The following KIF26B variants were observed in gnomAD, a reference collection of about 807,000 sequenced individuals.
KIF26B encodes the protein kinesin family member 26B.
KIF26B carries 63 observed loss-of-function variants against 151.2 expected under a neutral mutation model. The observed-to-expected ratio is 0.42, with a 90% CI of 0.34 to 0.51. The LOEUF is 0.51. Among genes scored for constraint, KIF26B ranks in the 20% least tolerant of loss-of-function variants. The pLI, the probability that KIF26B is intolerant of heterozygous loss-of-function variation, is 0.07. For synonymous variants in KIF26B, 1,357 were observed against 1,262.1 expected (o/e 1.08, Z -1.59); for missense variants, 2,813 against 2,913.6 (o/e 0.97, Z 0.79).
chr1:245,524,480 A>G (rs2103092759), intron 4 of KIF26B, among the ~76,000 whole-genome samples: 1 of 152,310 alleles, frequency 6.6e-6, no homozygotes, highest in Non-Finnish European at 1.5e-5. Flanking sequence ...GATTTTTTAA[A>G]AAATGGATCC....
chr1:245,601,089 G>A lies in KIF26B; in HGVS notation c.1351-1488G>A, dbSNP rs2043391233. Among the ~76,000 whole-genome samples, 1 of 152,110 alleles carries A rather than the reference G, an allele frequency of 6.6e-6. No homozygotes were observed. Among genetic ancestry groups the A allele is most frequent in the Admixed American group, 6.5e-5 (1 of 15,268 alleles). The stretch of plus-strand genomic sequence containing the variant: ...AGATAACAGCATAGTCCTGGCATAT[G>A]AGAGAAAATGGCAGGGATCTTTCTA... On this transcript the variant is annotated intron_variant, in intron 5 of 14. Transcript: ENST00000407071. This position sits in a 1 kb window ranked among gnomAD's most constrained non-coding sequence, Gnocchi z 4.4.
At chr1:245,604,526 C>A (rs895936541) in intron 6 of KIF26B, among the ~76,000 whole-genome samples, 3 of 152,184 alleles carry the variant, frequency 2.0e-5, no homozygotes, top group African/African-American at 7.2e-5. Flanking sequence ...GTAATTTAAA[C>A]CTGACGTTTG....
intron 10 of KIF26B, among the ~76,000 whole-genome samples, chr1:245,652,670 C>T (rs1191388179): frequency 6.6e-6 from 1 of 152,154 alleles, no homozygotes; most frequent in African/African-American, 2.4e-5. Context: ...GCCGGGGTCA[C>T]AAACACTGGG....
intron 2 of KIF26B, among the ~76,000 whole-genome samples, chr1:245,277,275 G>T (rs1670956750): frequency 6.6e-6 from 1 of 152,176 alleles, no homozygotes; most frequent in Non-Finnish European, 1.5e-5. Context: ...AAGTGAGTTT[G>T]GGAGTTTTAC....
At chr1:245,246,112 A>G (rs6682754) in intron 2 of KIF26B, among the ~76,000 whole-genome samples, 33 of 148,418 alleles carry the variant, frequency 2.2e-4, no homozygotes, top group African/African-American at 5.7e-4. Context: ...AAAAAAAAAA[A>G]AAAGAAAGGT....
intron 2 of KIF26B, among the ~76,000 whole-genome samples, chr1:245,322,284 A>T (rs1398154782): frequency 6.6e-6 from 1 of 152,126 alleles, no homozygotes; most frequent in Non-Finnish European, 1.5e-5. Context: ...GGGGCTTAAA[A>T]CCTAGATGAC....
At chr1:245,668,297 T>C (rs1300834249) in intron 10 of KIF26B, among the ~76,000 whole-genome samples, 1 of 152,158 alleles carries the variant, frequency 6.6e-6, no homozygotes, top group Non-Finnish European at 1.5e-5. Flanking sequence ...CAAACTACAT[T>C]TATCCCATGT....
rs1374370118 is a variant in KIF26B at position 245,572,094 on chromosome 1, C to T, written c.1351-30483C>T. ...TGGCAACTGTGCACAGAGTCCAGAT[C>T]TCACGACCTCGCTTTGCAAAGGCTA... On this transcript the variant is annotated intron_variant, in intron 5 of 14. Transcript: ENST00000407071. This position sits in a 1 kb window ranked among gnomAD's most constrained non-coding sequence, Gnocchi z 4.2. Among the ~76,000 whole-genome samples the T allele has an allele frequency of 1.3e-5, 2 of 152,176 alleles. No individual in the cohort carries two copies. Among genetic ancestry groups the T allele is most frequent in the Non-Finnish European group, 2.9e-5 (2 of 68,042 alleles).
intron 2 of KIF26B, among the ~76,000 whole-genome samples, chr1:245,288,117 A>G (rs1044223031): frequency 1.3e-5 from 2 of 152,196 alleles, no homozygotes; most frequent in South Asian, 2.1e-4. Context: ...TTTCGGAGCG[A>G]GCATTATTCC....
chr1:245,225,438 C>T (rs572348418), intron 2 of KIF26B, among the ~76,000 whole-genome samples: 3 of 152,324 alleles, frequency 2.0e-5, no homozygotes, highest in South Asian at 4.1e-4. Context: ...AAAGAGCAGT[C>T]GATGGCCCTC....
chr1:245,464,502 CGTGTGCAT>C (rs896786308), intron 4 of KIF26B, among the ~76,000 whole-genome samples: 2 of 126,700 alleles, frequency 1.6e-5, no homozygotes, highest in South Asian at 2.7e-4. Flanking sequence ...TGTGTGTGGG[CGTGTGCAT>C]GTGTGGATGT....
chr1:245,278,761 G>A (rs1433878418), intron 2 of KIF26B, among the ~76,000 whole-genome samples: 2 of 152,078 alleles, frequency 1.3e-5, no homozygotes, highest in Admixed American at 6.5e-5. Context: ...AGTACATTGG[G>A]CTCATTAGTT....
At chr1:245,634,962 C>G (rs2043819067) in intron 9 of KIF26B, among the ~76,000 whole-genome samples, 1 of 152,008 alleles carries the variant, frequency 6.6e-6, no homozygotes, top group Non-Finnish European at 1.5e-5. Context: ...GCACCTCAGC[C>G]TCCCATAATA....
chr1:245,506,625 C>T (rs1660732800), intron 4 of KIF26B, among the ~76,000 whole-genome samples: 1 of 152,158 alleles, frequency 6.6e-6, no homozygotes, highest in Non-Finnish European at 1.5e-5. Context: ...ATGGGATCAT[C>T]AGAACCAGTG....
chr1:245,457,942 CCTT>C (rs1268951433), intron 4 of KIF26B, among the ~76,000 whole-genome samples: 4 of 152,116 alleles, frequency 2.6e-5, no homozygotes, highest in African/African-American at 9.7e-5. Context: ...GTATGGATCT[CCTT>C]CTTTTCTAGA....
chr1:245,286,650 G>GTTC, intron 2 of KIF26B, among the ~76,000 whole-genome samples: 2 of 152,196 alleles, frequency 1.3e-5, no homozygotes, highest in Admixed American at 1.3e-4. Context: ...ATACAAACTT[G>GTTC]TTCTATTTTC....
chr1:245,497,936 G>T (rs531456823), intron 4 of KIF26B, among the ~76,000 whole-genome samples: 3 of 152,170 alleles, frequency 2.0e-5, no homozygotes, highest in Non-Finnish European at 4.4e-5. Flanking sequence ...TAGAGACAGG[G>T]TTTCACCTTG....
chr1:245,377,602 G>A (rs1038401006), intron 3 of KIF26B, among the ~76,000 whole-genome samples: 1 of 152,076 alleles, frequency 6.6e-6, no homozygotes, highest in African/African-American at 2.4e-5. Flanking sequence ...TCCAAATAAG[G>A]TCACATTCTA....
intron 4 of KIF26B, among the ~76,000 whole-genome samples, chr1:245,497,021 C>A (rs765708449): frequency 6.6e-6 from 1 of 151,748 alleles, no homozygotes; most frequent in African/African-American, 2.4e-5. Flanking sequence ...GGTGTGGTGG[C>A]GCATGTCTGT....
Sources: allele counts gnomAD v4.1 joint callset (sites outside exome capture counted in the v4.1 genomes callset), GRCh38; gene constraint gnomAD v4.1.1; non-coding constraint Gnocchi (gnomAD v3.1); transcripts MANE v1.5; gene names NCBI Gene and HGNC (gene_info 2026-07-23, HGNC 2026-07-21).